Variants in KDM5A observed in about 807,000 individuals in gnomAD.
KDM5A encodes lysine-specific demethylase 5A.
Under a neutral mutation model 193.5 loss-of-function variants are expected in KDM5A, and 42 were observed. That is an observed-to-expected ratio of 0.22 (90% CI 0.17 to 0.28). The LOEUF (loss-of-function observed/expected upper bound fraction) is 0.28, where lower values mean the gene tolerates loss of function less well. Ranked by LOEUF, KDM5A falls within the 10% of genes least tolerant of loss-of-function variation. KDM5A has a pLI of 1.00. For synonymous variants in KDM5A, 796 were observed against 718.1 expected, an observed-to-expected ratio of 1.11 and a Z score of -1.73; for missense variants, 1,692 against 2,055.1, an observed-to-expected ratio of 0.82 and a Z score of 3.42.
At chr12:300,240 GCAC>G (rs1194342969) in intron 24 of KDM5A, among the ~76,000 whole-genome samples, 5 of 152,066 alleles carry the variant, frequency 3.3e-5, no homozygotes, top group African/African-American at 7.3e-5. Context: ...ATTCTGCTCA[GCAC>G]CACATCATAC....
intron 20 of KDM5A, among the ~76,000 whole-genome samples, chr12:312,469 AG>A (rs1303591667): frequency 1.3e-5 from 2 of 152,368 alleles, no homozygotes; most frequent in Admixed American, 6.5e-5. Context: ...AGAATACAGT[AG>A]GTAACAAATT....
In KDM5A at chr12:322,621, A is replaced by T. The variant is rs571351832; in HGVS notation, c.2276-54T>A. ...ACAATAACCATAGACACAAAAAGCC[A>T]TTCTAAAATCTTCACCAACCTCACT... On this transcript the variant is annotated intron_variant, in intron 16 of 27. Coordinates refer to ENST00000399788, the MANE Select transcript of KDM5A (RefSeq NM_001042603.3). 3.3e-6 allele frequency: 5 copies of T among 1,525,616 alleles called. No homozygotes were observed. The South Asian group carries it at 4.5e-5, about 14-fold the overall frequency. The allele number at this position is 1,525,616 out of a possible 1,614,324, so 94.5% of individuals were successfully genotyped here. A position where few individuals can be genotyped will look rare whatever the true frequency, so the allele number is the denominator to read the frequency against.
At chr12:290,580 CAAA>C (rs1249201077) in intron 27 of KDM5A, among the ~76,000 whole-genome samples, 3 of 152,170 alleles carry the variant, frequency 2.0e-5, no homozygotes, top group Non-Finnish European at 4.4e-5. Context: ...ACAGTTCCTT[CAAA>C]AATAATGATC....
chr12:389,101 C>CGGG lies in KDM5A; in HGVS notation c.-13_-11dup. 1.5e-6 allele frequency: 2 copies of CGGG among 1,293,894 alleles called. No homozygotes were observed. Among genetic ancestry groups the CGGG allele is most frequent in the East Asian group, 5.2e-5 (2 of 38,672 alleles). The allele number at this position is 1,293,894 out of a possible 1,614,324, so 80.2% of individuals were successfully genotyped here. ...GCCCCACGCCCGCCATTGCAACGGC[C>CGGG]GGGGGGGGGGGGGGGTCCCCGTGGG... is the stretch of plus-strand genomic sequence containing the variant. On this transcript the variant is annotated 5_prime_UTR_variant, in exon 1 of 28. Transcript: ENST00000399788.
intron 24 of KDM5A, among the ~76,000 whole-genome samples, chr12:299,642 A>C (rs1271650731): frequency 6.6e-6 from 1 of 152,190 alleles, no homozygotes; most frequent in African/African-American, 2.4e-5. Context: ...TGCATCAACT[A>C]ACAGGCAAAA....
At chr12:297,521 T>G (rs974785136) in intron 24 of KDM5A, among the ~76,000 whole-genome samples, 3 of 152,150 alleles carry the variant, frequency 2.0e-5, no homozygotes, top group Non-Finnish European at 2.9e-5. Flanking sequence ...AACAAACCCA[T>G]TAAGATTTTC....
At chr12:333,792 A>G (rs1027264471) in intron 11 of KDM5A, 143 bp from the exon 12 acceptor site, 26 of 798,838 alleles carry the variant, frequency 3.3e-5, no homozygotes, top group African/African-American at 5.1e-5. Flanking sequence ...ACCATCTTAT[A>G]AACCTGTGCT....
rs551185032 is a variant in KDM5A at position 300,084 on chromosome 12, A to G, written c.4075-2884T>C. Among the ~76,000 whole-genome samples, 6 of 152,146 alleles carry G rather than the reference A, an allele frequency of 3.9e-5. No individual in the cohort carries two copies. In the East Asian group the frequency reaches 1.2e-3, roughly 29 times the overall value. On this transcript the variant is annotated intron_variant, in intron 24 of 27. Transcript: ENST00000399788. Reference sequence around the variant, plus strand: ...GAGACTCAGACTCCCACACAATAATAGTGGGAGACTTTAACACCCCACTGT... The same window carrying G: ...GAGACTCAGACTCCCACACAATAATGGTGGGAGACTTTAACACCCCACTGT...
intron 10 of KDM5A, among the ~76,000 whole-genome samples, chr12:338,639 G>A (rs1033229943): frequency 5.3e-5 from 8 of 152,172 alleles, no homozygotes; most frequent in Non-Finnish European, 8.8e-5. Flanking sequence ...TGATACTGTA[G>A]TCATACAACA....
chr12:303,533 G>A (rs1254366596), intron 24 of KDM5A, among the ~76,000 whole-genome samples: 1 of 152,144 alleles, frequency 6.6e-6, no homozygotes, highest in African/African-American at 2.4e-5. Flanking sequence ...CCTAGGGGAG[G>A]CATAGCATTA....
chr12:309,844 G>C lies in KDM5A; in HGVS notation c.3337C>G (p.Leu1113Val), dbSNP rs2137392543. Residue 1113 changes from leucine to valine, a missense_variant, in exon 22 of 28, where the codon CTG becomes GTG. By Grantham distance (32) the Leu-to-Val change is conservative. Transcript: ENST00000399788. ...KDLDLEPLSDLEEGLEETRDT... is the reference protein window; with the variant it reads ...KDLDLEPLSDVEEGLEETRDT... ...CTGGTTTCCTCCAATCCTTCCTCCAGATCACTCAGAGGCTCCAGGTCCAGA... is the reference window on the plus strand; with the variant it reads ...CTGGTTTCCTCCAATCCTTCCTCCACATCACTCAGAGGCTCCAGGTCCAGA... 6.2e-7 allele frequency: 1 copy of C among 1,614,020 alleles called. No individual in the cohort carries two copies. The highest frequency in any genetic ancestry group is 8.5e-7 in the Non-Finnish European group (1 of 1,179,984).
intron 3 of KDM5A, among the ~76,000 whole-genome samples, chr12:379,088 C>A (rs1295832014): frequency 6.6e-6 from 1 of 151,858 alleles, no homozygotes; most frequent in Non-Finnish European, 1.5e-5. Context: ...AGGAAACCAT[C>A]ATGCTGATGA....
chr12:342,655 T>G (rs1944020896), intron 10 of KDM5A, among the ~76,000 whole-genome samples: 2 of 151,918 alleles, frequency 1.3e-5, no homozygotes, highest in African/African-American at 4.8e-5. Flanking sequence ...AGAGACAGGG[T>G]TTCACCATGT....
chr12:334,292 AAAG>A lies in KDM5A; in HGVS notation c.1436_1438del (p.Ser479del). 1 of 1,614,172 alleles carries A rather than the reference AAAG, an allele frequency of 6.2e-7. No homozygotes were observed. The highest frequency in any genetic ancestry group is 8.5e-7 in the Non-Finnish European group (1 of 1,180,006). ...CCAGTGATCCTCAATGTGCCAGCAA[AAAG>A]AAGAGAAGCACATTCCCACATAGAG... On this transcript the variant is annotated inframe_deletion, in exon 11 of 28. Transcript: ENST00000399788.
At chr12:301,925 G>T (rs567798082) in intron 24 of KDM5A, among the ~76,000 whole-genome samples, 3 of 152,220 alleles carry the variant, frequency 2.0e-5, no homozygotes, top group African/African-American at 7.2e-5. Flanking sequence ...ATTCACAATT[G>T]CTACAAAAAG....
At chr12:350,278 A>G (rs2137448127) in intron 10 of KDM5A, among the ~76,000 whole-genome samples, 1 of 152,120 alleles carries the variant, frequency 6.6e-6, no homozygotes, top group East Asian at 1.9e-4. Context: ...CTCTACAAAA[A>G]TACAAAAATT....
chr12:344,287 T>C (rs556052433), intron 10 of KDM5A, among the ~76,000 whole-genome samples: 51 of 152,348 alleles, frequency 3.3e-4, no homozygotes, highest in Non-Finnish European at 5.6e-4. Flanking sequence ...AATCTACATT[T>C]GATTGGTGTA....
In KDM5A at chr12:350,729, G is replaced by T. The variant is rs768309721; in HGVS notation, c.1200C>A (p.Ser400Arg). ...VEKEFWRLVS[S>R]IEEDVIVEYG... ...ATTCCACAATAACATCTTCTTCAAT[G>T]CTGCTTACCAGCCGCCAAAATTCCT... is the stretch of plus-strand genomic sequence containing the variant. Residue 400 changes from serine to arginine, a missense_variant, in exon 10 of 28, where the codon AGC becomes AGA. By Grantham distance (110) the Ser-to-Arg change is moderately radical. This residue lies in a region of KDM5A where 172 missense variants were observed against 260.3 expected (regional missense o/e 0.66). Transcript: ENST00000399788. The T allele has an allele frequency of 1.4e-5, 23 of 1,613,814 alleles. No homozygotes were observed. The highest frequency in any genetic ancestry group is 3.3e-4 in the Middle Eastern group (2 of 6,084).
At chr12:355,321 A>T in intron 6 of KDM5A, 72 bp from the exon 7 acceptor site, 1 of 831,130 alleles carries the variant, frequency 1.2e-6, no homozygotes, top group Non-Finnish European at 2.1e-6. Flanking sequence ...GACACTATTT[A>T]AAATTATTTA....
Sources: gnomAD v4.1 joint callset for allele counts (sites outside exome capture counted in the v4.1 genomes callset) on GRCh38, gnomAD v4.1.1 for gene constraint, gnomAD v4.1.1 regional missense constraint, MANE v1.5 for transcripts, NCBI Gene and HGNC (gene_info 2026-07-23, HGNC 2026-07-21) for gene names.